Variants in IL13RA1 observed in about 807,000 individuals in gnomAD.
The protein encoded by IL13RA1 is interleukin 13 receptor subunit alpha 1.
A neutral mutation model predicts 33.8 loss-of-function variants in IL13RA1; 14 were observed. The ratio of observed to expected loss-of-function variants is 0.41; its 90% CI spans 0.27 to 0.65. The LOEUF (loss-of-function observed/expected upper bound fraction) is 0.65. IL13RA1 is among the 30% of genes least tolerant of loss of function. IL13RA1 has a pLI of 0.28. For missense variants in IL13RA1, 313 were observed against 327.0 expected, an observed-to-expected ratio of 0.96 and a Z score of 0.33; for synonymous variants, 116 against 115.7, an observed-to-expected ratio of 1.00 and a Z score of -0.02.
intron 10 of IL13RA1, among the ~76,000 whole-genome samples, chrX:118,784,156 C>T (rs12835559): frequency 7.4e-4 from 48 of 64,966 alleles, no homozygotes; most frequent in African/African-American, 3.0e-3. Flanking sequence ...TACGTATATA[C>T]ACATATATAC....
intron 2 of IL13RA1, among the ~76,000 whole-genome samples, chrX:118,742,400 T>C (rs935634268): frequency 7.1e-5 from 8 of 112,152 alleles, no homozygotes; most frequent in Non-Finnish European, 1.5e-4. Context: ...TTTTTGGTAA[T>C]TGAGCCTTGA....
chrX:118,784,090 A>ATATATATATATATATATATATAT (rs1200223891), intron 10 of IL13RA1, among the ~76,000 whole-genome samples: 1 of 63,957 alleles, frequency 1.6e-5, no homozygotes, highest in Non-Finnish European at 2.5e-5. Context: ...AAAAAAAAAA[A>ATATATATATATATATATATATAT]ATATATATAT....
At chrX:118,770,749 A>G in intron 8 of IL13RA1, 1 of 352,115 alleles carries the variant, frequency 2.8e-6, no homozygotes, top group Non-Finnish European at 5.5e-6. Flanking sequence ...CTTCCTGTGC[A>G]TCGCCTATGT....
downstream of IL13RA1, among the ~76,000 whole-genome samples, chrX:118,795,506 C>T (rs962588260): frequency 5.4e-5 from 6 of 112,090 alleles, no homozygotes; most frequent in African/African-American, 1.9e-4. Context: ...AAATCCGTTT[C>T]TAGGTAAGTG....
At chrX:118,770,527 G>GTGTGGTGTGCACC in intron 8 of IL13RA1, 2 of 536,210 alleles carry the variant, frequency 3.7e-6, no homozygotes, top group South Asian at 4.5e-5. Context: ...CATCAACCAG[G>GTGTGGTGTGCACC]ACTTCGTGGT....
intron 4 of IL13RA1, among the ~76,000 whole-genome samples, chrX:118,754,508 G>C (rs1369826160): frequency 1.8e-5 from 2 of 109,555 alleles, no homozygotes; most frequent in Non-Finnish European, 3.8e-5. Flanking sequence ...GTGGTGGCGG[G>C]CACCTGTAGT....
At chrX:118,785,530 G>A (rs1034061104) in intron 10 of IL13RA1, among the ~76,000 whole-genome samples, 1 of 111,477 alleles carries the variant, frequency 9.0e-6, no homozygotes, top group African/African-American at 3.3e-5. Context: ...GTTTCTTCTA[G>A]CTTAGTCTTC....
the IL13RA1 span, among the ~76,000 whole-genome samples, chrX:118,804,648 G>A: frequency 8.9e-6 from 1 of 111,910 alleles, no homozygotes; most frequent in East Asian, 2.8e-4. Flanking sequence ...TTTAAAGCAA[G>A]GTGGAAAAAT....
Position 118,794,520 on chromosome X carries a change from C to G in IL13RA1, c.*2666C>G, listed in dbSNP as rs1296546369. ...AAAGCTTGAGTAAAATAAATATTGT[C>G]TTTTTGTATGTCACCCAAATGTTTT... On this transcript the variant is annotated 3_prime_UTR_variant, in exon 11 of 11. Coordinates refer to ENST00000371666, the MANE Select transcript of IL13RA1 (RefSeq NM_001560.3). 8.9e-6 allele frequency: 1 copy of G among 112,162 alleles called. No individual in the cohort carries two copies. The highest frequency in any genetic ancestry group is 3.3e-5 in the African/African-American group (1 of 30,715). 9.2% of individuals were successfully genotyped at this position (112,162 alleles called of 1,213,427 possible). A position where few individuals can be genotyped will look rare whatever the true frequency, so the allele number is the denominator to read the frequency against.
At chrX:118,727,780 G>C in intron 1 of IL13RA1, 54 bp downstream of exon 1, 1 of 585,377 alleles carries the variant, frequency 1.7e-6, no homozygotes, top group Non-Finnish European at 2.3e-6. Context: ...GGGCGGTGAG[G>C]GTCACGGCTG....
intron 4 of IL13RA1, among the ~76,000 whole-genome samples, chrX:118,755,769 T>C (rs2017523427): frequency 8.9e-6 from 1 of 111,968 alleles, no homozygotes; most frequent in Non-Finnish European, 1.9e-5. Flanking sequence ...GTAAGAAAAA[T>C]GTCATTAAAT....
the IL13RA1 span, among the ~76,000 whole-genome samples, chrX:118,802,178 C>A: frequency 9.0e-6 from 1 of 111,601 alleles, no homozygotes; most frequent in South Asian, 3.7e-4. Flanking sequence ...TACCTAGGAG[C>A]ACTGAGGAGG....
intron 4 of IL13RA1, among the ~76,000 whole-genome samples, chrX:118,757,061 A>G (rs911063379): frequency 1.8e-5 from 2 of 112,046 alleles, no homozygotes; most frequent in Admixed American, 9.4e-5. Flanking sequence ...GAACAAGCCA[A>G]GAAACAAGGA....
intron 10 of IL13RA1, among the ~76,000 whole-genome samples, chrX:118,779,102 T>A (rs1419858719): frequency 8.9e-6 from 1 of 112,252 alleles, no homozygotes; most frequent in Non-Finnish European, 1.9e-5. Flanking sequence ...GATTTAGGGT[T>A]GTATTATGAA....
chrX:118,779,096 T>C (rs1444595933), intron 10 of IL13RA1, among the ~76,000 whole-genome samples: 1 of 112,075 alleles, frequency 8.9e-6, no homozygotes, highest in Non-Finnish European at 1.9e-5. Context: ...GAAAAAGATT[T>C]AGGGTTGTAT....
rs779826310 is a variant in IL13RA1, at chrX:118,761,269, G to A, written c.808G>A (p.Glu270Lys). Residue 270 changes from glutamate (E) to lysine (K), a missense_variant, in exon 6 of 11, where the codon GAG becomes AAG. By Grantham distance (56) the Glu-to-Lys change is moderately conservative (BLOSUM62 1). Coordinates refer to ENST00000371666, the MANE Select transcript of IL13RA1 (RefSeq NM_001560.3). ...AGTAGAAGTCAATAACAGCCAAACT[G>A]AGACACATAATGTTTTCTACGTAAG... is the stretch of plus-strand genomic sequence containing the variant. The part of the protein sequence containing the change: ...YEVEVNNSQT[E>K]THNVFYVQEA... 1 of 1,041,467 alleles carries A rather than the reference G, an allele frequency of 9.6e-7. No homozygotes were observed. Among genetic ancestry groups the A allele is most frequent in the Admixed American group, 2.7e-5 (1 of 37,339 alleles). The allele number at this position is 1,041,467 out of a possible 1,213,427, so 85.8% of individuals were successfully genotyped here. A position where few individuals can be genotyped will look rare whatever the true frequency, so the allele number is the denominator to read the frequency against.
chrX:118,732,643 A>G (rs1421968015), intron 1 of IL13RA1, among the ~76,000 whole-genome samples: 1 of 109,118 alleles, frequency 9.2e-6, no homozygotes, highest in Non-Finnish European at 1.9e-5. Context: ...TATGAGTGAG[A>G]ACATGCAGTG....
chrX:118,756,084 G>A (rs2017527639), intron 4 of IL13RA1, among the ~76,000 whole-genome samples: 1 of 110,554 alleles, frequency 9.0e-6, no homozygotes, highest in Admixed American at 9.7e-5. Flanking sequence ...CCTAGGTCCT[G>A]GCAAAACCTT....
chrX:118,739,747 AT>A (rs758821053), intron 1 of IL13RA1, among the ~76,000 whole-genome samples: 70 of 111,009 alleles, frequency 6.3e-4, no homozygotes, highest in Non-Finnish European at 6.2e-4. Flanking sequence ...CCCTCTTCAG[AT>A]TAGTCAAAGC....
Sources: gnomAD v4.1 joint callset for allele counts (sites outside exome capture counted in the v4.1 genomes callset) on GRCh38, gnomAD v4.1.1 for gene constraint, MANE v1.5 for transcripts, NCBI Gene and HGNC (gene_info 2026-07-23, HGNC 2026-07-21) for gene names.